The following NRXN3 variants were observed in gnomAD, a reference collection of about 807,000 sequenced individuals.
NRXN3 encodes the protein neurexin III.
In NRXN3, 32 loss-of-function variants were observed where a neutral mutation model predicts 137.6. The ratio of observed to expected loss-of-function variants is 0.23; its 90% confidence interval spans 0.18 to 0.31. The LOEUF is 0.31. Ranked by LOEUF, NRXN3 falls within the 10% of genes least tolerant of loss-of-function variation. The pLI is 1.00. For synonymous variants in NRXN3, 798 were observed against 784.5 expected, an observed-to-expected ratio of 1.02 and a Z score of -0.29; for missense variants, 1,574 against 2,062.5, an observed-to-expected ratio of 0.76 and a Z score of 4.59.
intron 4 of NRXN3, among the ~76,000 whole-genome samples, chr14:78,575,726 C>A (rs1233302889): frequency 6.6e-6 from 1 of 151,946 alleles, no homozygotes; most frequent in East Asian, 1.9e-4. Context: ...AATGAAACAA[C>A]AAATAGTGAT....
chr14:79,199,172 A>C (rs886911462), intron 15 of NRXN3, among the ~76,000 whole-genome samples: 1 of 152,268 alleles, frequency 6.6e-6, no homozygotes, highest in Middle Eastern at 3.4e-3. Context: ...CTAAAAAAAA[A>C]AAAAAGCAAA....
At chr14:78,989,781 T>C (rs1463028849) in intron 15 of NRXN3, among the ~76,000 whole-genome samples, 1 of 152,202 alleles carries the variant, frequency 6.6e-6, no homozygotes, top group African/African-American at 2.4e-5. Context: ...GTTTATTTCT[T>C]GTCGCATATA....
chr14:79,502,841 C>T (rs2096838870), intron 16 of NRXN3, among the ~76,000 whole-genome samples: 1 of 151,934 alleles, frequency 6.6e-6, no homozygotes, highest in Non-Finnish European at 1.5e-5. Context: ...TCACTGCAAG[C>T]TCTCCCATGT....
At chr14:78,438,371 G>A (rs1489488658) in intron 4 of NRXN3, among the ~76,000 whole-genome samples, 1 of 152,166 alleles carries the variant, frequency 6.6e-6, no homozygotes, top group Non-Finnish European at 1.5e-5. Flanking sequence ...ACTAGGGGTG[G>A]TATGTGACCT....
chr14:78,997,391 T>C (rs755806815), intron 15 of NRXN3, among the ~76,000 whole-genome samples: 3 of 152,200 alleles, frequency 2.0e-5, no homozygotes, highest in Non-Finnish European at 4.4e-5. Flanking sequence ...GGCTAGTTAC[T>C]TACTTAAGGT....
intron 16 of NRXN3, among the ~76,000 whole-genome samples, chr14:79,495,306 C>G (rs2096755674): frequency 6.6e-6 from 1 of 152,212 alleles, no homozygotes; most frequent in African/African-American, 2.4e-5. Context: ...AGAATTGACA[C>G]AGCTTCCTTT....
intron 10 of NRXN3, among the ~76,000 whole-genome samples, chr14:78,880,889 CCCCA>C (rs1311798783): frequency 2.0e-5 from 3 of 151,990 alleles, no homozygotes; most frequent in Non-Finnish European, 2.9e-5. Context: ...TTGGCTGTGT[CCCCA>C]CCCAAATCAC....
intron 2 of NRXN3, among the ~76,000 whole-genome samples, chr14:78,250,898 C>G (rs78141033): frequency 1.6e-3 from 240 of 152,128 alleles, no homozygotes; most frequent in African/African-American, 5.6e-3. Flanking sequence ...GTTCCTGGTG[C>G]AGGAGGTTAT....
intron 15 of NRXN3, among the ~76,000 whole-genome samples, chr14:79,048,806 C>T (rs180880471): frequency 3.3e-5 from 5 of 149,728 alleles, no homozygotes; most frequent in Non-Finnish European, 7.4e-5. Context: ...GGGCGGATCA[C>T]GAGGTCAGGA....
chr14:78,195,844 T>C lies in NRXN3; in HGVS notation c.-704+25170T>C, dbSNP rs559145788. Among the ~76,000 whole-genome samples, 305 of 152,352 alleles carry C rather than the reference T, an allele frequency of 2.0e-3. 2 individuals are homozygous for C. The highest frequency in any genetic ancestry group is 2.8e-3 in the Non-Finnish European group (192 of 68,028). Reference sequence around the variant, plus strand: ...CTGTTGCTGTCAATAAACTGCTAGCTGGGCTCCATTGTAACCAAGTGCTTT... The same window carrying C: ...CTGTTGCTGTCAATAAACTGCTAGCCGGGCTCCATTGTAACCAAGTGCTTT... On this transcript the variant is annotated intron_variant, in intron 1 of 20. Coordinates refer to ENST00000335750, the MANE Select transcript of NRXN3 (RefSeq NM_001330195.2).
At chr14:79,806,790 A>G (rs1263501952) in intron 20 of NRXN3, among the ~76,000 whole-genome samples, 1 of 150,426 alleles carries the variant, frequency 6.6e-6, no homozygotes, top group Non-Finnish European at 1.5e-5. Flanking sequence ...GCGTAATTCA[A>G]TTCAACAGAT....
chr14:78,457,448 A>C (rs2094778427), intron 4 of NRXN3, among the ~76,000 whole-genome samples: 1 of 152,172 alleles, frequency 6.6e-6, no homozygotes, highest in South Asian at 2.1e-4. Flanking sequence ...AGAGGGTGAC[A>C]GTGAGATAGT....
At chr14:79,369,098 A>G (rs189101712) in intron 15 of NRXN3, among the ~76,000 whole-genome samples, 543 of 152,352 alleles carry the variant, frequency 3.6e-3, no homozygotes, top group Non-Finnish European at 5.9e-3. Context: ...TGTTCTGAAA[A>G]TGGTATTTCA....
chr14:78,351,122 T>C (rs1050560640), intron 4 of NRXN3, among the ~76,000 whole-genome samples: 1 of 152,198 alleles, frequency 6.6e-6, no homozygotes, highest in Non-Finnish European at 1.5e-5. Context: ...AAACATTATA[T>C]AGTACTCACA....
intron 4 of NRXN3, among the ~76,000 whole-genome samples, chr14:78,397,966 G>T (rs1467632215): frequency 6.6e-6 from 1 of 150,612 alleles, no homozygotes; most frequent in East Asian, 2.1e-4. Context: ...TGTAATCGCA[G>T]CACTTTGGGA....
At chr14:79,600,605 G>A (rs1456808657) in intron 16 of NRXN3, among the ~76,000 whole-genome samples, 1 of 152,198 alleles carries the variant, frequency 6.6e-6, no homozygotes, top group African/African-American at 2.4e-5. Context: ...GACCAACAGC[G>A]TTAGATCAGT....
chr14:78,444,661 T>G (rs2094361013), intron 4 of NRXN3, among the ~76,000 whole-genome samples: 2 of 151,984 alleles, frequency 1.3e-5, no homozygotes, highest in South Asian at 4.2e-4. Context: ...GGCTCATGCC[T>G]GTAATCCCAG....
chr14:79,853,189 C>T (rs1278585559), intron 20 of NRXN3, among the ~76,000 whole-genome samples: 2 of 152,118 alleles, frequency 1.3e-5, no homozygotes, highest in Non-Finnish European at 2.9e-5. Flanking sequence ...TCTCAATCAC[C>T]TCTGTAGATT....
intron 7 of NRXN3, 105 bp downstream of exon 7, chr14:78,709,760 A>G (rs2098389478): frequency 9.9e-7 from 1 of 1,005,578 alleles, no homozygotes; most frequent in African/African-American, 1.6e-5. Context: ...ATGCTTGTTG[A>G]TTCTTTTGCT....
Sources: allele counts gnomAD v4.1 joint callset (sites outside exome capture counted in the v4.1 genomes callset), GRCh38; gene constraint gnomAD v4.1.1; transcripts MANE v1.5; gene names NCBI Gene and HGNC (gene_info 2026-07-23, HGNC 2026-07-21).